KAZN: variants seen among roughly 807,000 people sequenced by gnomAD.
The protein encoded by KAZN is kazrin, periplakin interacting protein.
A neutral mutation model predicts 87.4 loss-of-function variants in KAZN; 40 were observed. That is an observed-to-expected ratio of 0.46 (90% CI 0.36 to 0.60). KAZN has a LOEUF of 0.60. KAZN is among the 20% of genes least tolerant of loss of function. The pLI is 0.00. For synonymous variants in KAZN, 466 were observed against 458.3 expected, an observed-to-expected ratio of 1.02 and a Z score of -0.22; for missense variants, 898 against 1,073.9, an observed-to-expected ratio of 0.84 and a Z score of 2.29.
At chr1:15,101,049 T>G (rs76202116) in intron 10 of KAZN, among the ~76,000 whole-genome samples, 5,368 of 152,288 alleles carry the variant, frequency 0.035, 123 homozygotes, top group South Asian at 0.062. Context: ...GTGGCCCTTC[T>G]GCTCCCCGCC....
chr1:14,208,874 C>T (rs1159552056), intron 2 of KAZN, among the ~76,000 whole-genome samples: 2 of 152,134 alleles, frequency 1.3e-5, no homozygotes, highest in Non-Finnish European at 2.9e-5. Flanking sequence ...CATTTGCTAC[C>T]CAAACTCCAT....
chr1:14,755,238 G>A (rs187343389), intron 1 of KAZN, among the ~76,000 whole-genome samples: 2 of 152,202 alleles, frequency 1.3e-5, no homozygotes, highest in East Asian at 3.9e-4. Flanking sequence ...AGGCAACAGA[G>A]TAAGACCCTG....
At chr1:14,991,223 G>A (rs567879934) in intron 2 of KAZN, among the ~76,000 whole-genome samples, 13 of 152,004 alleles carry the variant, frequency 8.6e-5, no homozygotes, top group Non-Finnish European at 1.9e-4. Context: ...GCGTGGTGGT[G>A]GGCGCCTGTA....
intron 1 of KAZN, among the ~76,000 whole-genome samples, chr1:14,042,981 A>G (rs182118471): frequency 2.0e-5 from 3 of 152,314 alleles, no homozygotes; most frequent in Non-Finnish European, 2.9e-5. Flanking sequence ...AGTGTACAGA[A>G]TGGAATTAAG....
intron 1 of KAZN, among the ~76,000 whole-genome samples, chr1:14,676,419 C>A (rs1294668066): frequency 5.9e-5 from 7 of 118,310 alleles, no homozygotes; most frequent in Non-Finnish European, 1.4e-4. Flanking sequence ...AGGGAGGCCA[C>A]TTCACGTCCC....
chr1:14,752,881 A>G (rs1348351511), intron 1 of KAZN, among the ~76,000 whole-genome samples: 2 of 152,334 alleles, frequency 1.3e-5, no homozygotes, highest in East Asian at 1.9e-4. Context: ...ACCATTGGAG[A>G]CACACTCTGA....
At chr1:14,274,389 G>A (rs1033553997) in intron 2 of KAZN, among the ~76,000 whole-genome samples, 1 of 151,996 alleles carries the variant, frequency 6.6e-6, no homozygotes, top group East Asian at 1.9e-4. Flanking sequence ...ACCATGTTTC[G>A]CATGCAAAGT....
At chr1:14,244,157 G>A (rs186617868) in intron 2 of KAZN, among the ~76,000 whole-genome samples, 10 of 152,332 alleles carry the variant, frequency 6.6e-5, no homozygotes, top group Admixed American at 1.3e-4. Context: ...CCTCTTTTCA[G>A]TTCCTTGAAA....
intron 2 of KAZN, among the ~76,000 whole-genome samples, chr1:14,190,397 G>T (rs2100357157): frequency 6.6e-6 from 1 of 152,234 alleles, no homozygotes; most frequent in South Asian, 2.1e-4. Context: ...TACAGGTGAG[G>T]AAACTGAGGC....
intron 4 of KAZN, among the ~76,000 whole-genome samples, chr1:15,050,093 C>CAGTAGAGTAG (rs200055561): frequency 1.0e-4 from 10 of 100,362 alleles, no homozygotes; most frequent in African/African-American, 3.9e-4. Context: ...CAGTAGAGTA[C>CAGTAGAGTAG]AGTAGAGTAG....
chr1:14,107,110 T>C (rs1022201915), intron 1 of KAZN, among the ~76,000 whole-genome samples: 1 of 147,024 alleles, frequency 6.8e-6, no homozygotes, highest in Admixed American at 6.9e-5. Flanking sequence ...ACATTCTCAA[T>C]ACCTATTCAG....
At chr1:13,973,285 C>T (rs568065378) in intron 1 of KAZN, among the ~76,000 whole-genome samples, 2 of 152,308 alleles carry the variant, frequency 1.3e-5, no homozygotes, top group Admixed American at 1.3e-4. Context: ...TCCCCCTTTC[C>T]CCTCTAGATC....
chr1:14,446,671 C>T lies in KAZN; in HGVS notation c.250-152312C>T, dbSNP rs1667000238. 2.6e-5 allele frequency among the ~76,000 whole-genome samples: 4 copies of T among 152,148 alleles called. No homozygotes were observed. The South Asian group carries it at 8.3e-4, about 32-fold the overall frequency. On this transcript the variant is annotated intron_variant, in intron 2 of 16. Coordinates refer to the KAZN transcript ENST00000636203. ...CTCTTCATTTCTTTTTCCCCTTGAA[C>T]CCTAGGTGAGAGGGCTCCAGTTCTT...
intron 2 of KAZN, among the ~76,000 whole-genome samples, chr1:15,009,298 C>G (rs1669346120): frequency 6.6e-6 from 1 of 152,212 alleles, no homozygotes; most frequent in African/African-American, 2.4e-5. Context: ...CCCTCCCGCA[C>G]CCAGAATCCC....
chr1:14,454,134 T>C (rs933339011), intron 2 of KAZN, among the ~76,000 whole-genome samples: 6 of 152,180 alleles, frequency 3.9e-5, no homozygotes, highest in African/African-American at 1.4e-4. Context: ...TTTGGATTAA[T>C]TTTCTCTCTG....
chr1:14,650,030 ATCTTTTT>A (rs1470159588), intron 1 of KAZN, among the ~76,000 whole-genome samples: 1 of 98,438 alleles, frequency 1.0e-5, no homozygotes, highest in African/African-American at 3.9e-5. Flanking sequence ...CCCTCCACCC[ATCTTTTT>A]TTTTTTTTTT....
chr1:14,600,519 G>A (rs1299066105), intron 1 of KAZN, among the ~76,000 whole-genome samples: 1 of 152,108 alleles, frequency 6.6e-6, no homozygotes, highest in Non-Finnish European at 1.5e-5. Context: ...AGGAATTGGG[G>A]GGAGTACTTT....
Position 14,486,034 on chromosome 1 carries a change from G to T in KAZN, c.250-112949G>T, listed in dbSNP as rs552198331. Among the ~76,000 whole-genome samples the T allele has an allele frequency of 2.6e-5, 4 of 152,240 alleles. No homozygotes were observed. In the South Asian group the frequency reaches 6.2e-4, roughly 24 times the overall value. The stretch of plus-strand genomic sequence containing the variant: ...CCAGACCTATAGCACTGCCTGTTCA[G>T]TAAAGCTGTTCTCTTCTACCTCTGG... On this transcript the variant is annotated intron_variant, in intron 2 of 16. Transcript: ENST00000636203.
intron 2 of KAZN, among the ~76,000 whole-genome samples, chr1:14,548,742 G>T (rs920530434): frequency 6.6e-6 from 1 of 151,666 alleles, no homozygotes; most frequent in Non-Finnish European, 1.5e-5. Flanking sequence ...ATATTCTCTT[G>T]CTGAGAATAT....
Sources: gnomAD v4.1 joint callset for allele counts (sites outside exome capture counted in the v4.1 genomes callset) on GRCh38, gnomAD v4.1.1 for gene constraint, MANE v1.5 for transcripts, NCBI Gene and HGNC (gene_info 2026-07-23, HGNC 2026-07-21) for gene names.